USP46: variants seen among roughly 807,000 people sequenced by gnomAD.
The protein encoded by USP46 is ubiquitin carboxyl-terminal hydrolase 46.
USP46 carries 12 observed loss-of-function variants against 44.4 expected under a neutral mutation model. That is an observed-to-expected ratio of 0.27 (90% confidence interval 0.17 to 0.44). The LOEUF is 0.44. Among genes scored for constraint, USP46 ranks in the 20% least tolerant of loss-of-function variants. The pLI is 1.00. For missense variants in USP46, 248 were observed against 444.8 expected (o/e 0.56, Z 3.98); for synonymous variants, 155 against 161.5 (o/e 0.96, Z 0.31).
In USP46 at chr4:52,593,538, T is replaced by C. The variant is rs1300895097; in HGVS notation, c.*4102A>G. On this transcript the variant is annotated 3_prime_UTR_variant, in exon 9 of 9. Coordinates refer to ENST00000441222, the MANE Select transcript of USP46 (RefSeq NM_022832.4). ...GTCCACCCACAGGTGCCCTGGGTGA[T>C]TGACAGGGAAAAGCAGCCCTACCCA... 1.3e-5 allele frequency: 2 copies of C among 152,280 alleles called. No individual in the cohort carries two copies. Among genetic ancestry groups the C allele is most frequent in the African/African-American group, 2.4e-5 (1 of 41,474 alleles). The allele number at this position is 152,280 out of a possible 1,614,324, so 9.4% of individuals were successfully genotyped here.
At chr4:52,636,619 T>C (rs958617421) in intron 1 of USP46, among the ~76,000 whole-genome samples, 1 of 148,832 alleles carries the variant, frequency 6.7e-6, no homozygotes, top group African/African-American at 2.5e-5. Context: ...GGCGGGAGAA[T>C]TGCTTGAACC....
chr4:52,602,830 C>T (rs1716530270), intron 6 of USP46, among the ~76,000 whole-genome samples: 1 of 151,494 alleles, frequency 6.6e-6, no homozygotes, highest in African/African-American at 2.5e-5. Flanking sequence ...TGATGTTGCA[C>T]TTCCCAAACT....
At chr4:52,642,054 A>G (rs1026446406) in intron 1 of USP46, among the ~76,000 whole-genome samples, 1 of 152,200 alleles carries the variant, frequency 6.6e-6, no homozygotes, top group Non-Finnish European at 1.5e-5. Flanking sequence ...GTGTCCCCAG[A>G]ATTCTGATGA....
In USP46 at chr4:52,591,445, C is replaced by G. The variant is rs1420512113; in HGVS notation, c.*6195G>C. On this transcript the variant is annotated 3_prime_UTR_variant, in exon 9 of 9. Coordinates refer to ENST00000441222, the MANE Select transcript of USP46 (RefSeq NM_022832.4). ...GCCTGAACTCCTTTTCCAAGAAGAGCTTCTGTAGAATTCCACACTGCCTTA... is the reference window on the plus strand; with the variant it reads ...GCCTGAACTCCTTTTCCAAGAAGAGGTTCTGTAGAATTCCACACTGCCTTA... The G allele has an allele frequency of 6.6e-6, 1 of 152,224 alleles. No homozygotes were observed. The highest frequency in any genetic ancestry group is 2.4e-5 in the African/African-American group (1 of 41,456). The allele number at this position is 152,224 out of a possible 1,614,324, so 9.4% of individuals were successfully genotyped here.
At chr4:52,625,439 T>C (rs112038978) in intron 4 of USP46, among the ~76,000 whole-genome samples, 1 of 152,260 alleles carries the variant, frequency 6.6e-6, no homozygotes, top group African/African-American at 2.4e-5. Flanking sequence ...CAAGAAAATA[T>C]GACATCCTGA....
intron 1 of USP46, among the ~76,000 whole-genome samples, chr4:52,637,178 G>C (rs1199800457): frequency 6.6e-6 from 1 of 152,102 alleles, no homozygotes; most frequent in Admixed American, 6.6e-5. Context: ...AGCCCCTTCT[G>C]GGCTCTACCC....
At chr4:52,602,390 C>A (rs1294721221) in intron 6 of USP46, among the ~76,000 whole-genome samples, 3 of 152,140 alleles carry the variant, frequency 2.0e-5, no homozygotes, top group Non-Finnish European at 4.4e-5. Flanking sequence ...CAATCTACCC[C>A]CTGAGATGAT....
chr4:52,619,305 A>C (rs1424629070), intron 4 of USP46, among the ~76,000 whole-genome samples: 2 of 152,074 alleles, frequency 1.3e-5, no homozygotes, highest in Non-Finnish European at 2.9e-5. Context: ...CCCAGGAAAA[A>C]AAAAAAAAAG....
intron 1 of USP46, among the ~76,000 whole-genome samples, chr4:52,650,470 G>A (rs1308779322): frequency 6.6e-6 from 1 of 152,194 alleles, no homozygotes. Flanking sequence ...GGTTTGCTCT[G>A]GGAGGAAGAG....
chr4:52,627,840 G>A, intron 3 of USP46, 110 bp downstream of exon 3: 2 of 1,208,260 alleles, frequency 1.7e-6, no homozygotes, highest in South Asian at 3.5e-5. Flanking sequence ...AGTTAACCAT[G>A]CTTATTTTCC....
intron 1 of USP46, among the ~76,000 whole-genome samples, chr4:52,656,911 G>A (rs924621164): frequency 4.0e-5 from 6 of 151,864 alleles, no homozygotes; most frequent in African/African-American, 9.7e-5. Context: ...ATGGTGGCAC[G>A]TGCCTGTAGT....
At chr4:52,609,898 C>T (rs372871379) in intron 5 of USP46, among the ~76,000 whole-genome samples, 1,082 of 24,544 alleles carry the variant, frequency 0.044, 22 homozygotes, top group Admixed American at 0.24. Flanking sequence ...AATTCTATTT[C>T]TTTTTTTTTT....
chr4:52,612,476 T>C (rs796867945), intron 4 of USP46, among the ~76,000 whole-genome samples: 29 of 152,362 alleles, frequency 1.9e-4, no homozygotes, highest in African/African-American at 6.0e-4. Flanking sequence ...AGTGTGACCA[T>C]GTGACTTGCC....
intron 5 of USP46, among the ~76,000 whole-genome samples, chr4:52,608,073 AGGAAGGAAGGAG>A (rs1197401310): frequency 1.3e-5 from 2 of 152,210 alleles, no homozygotes; most frequent in Admixed American, 6.5e-5. Flanking sequence ...GTTCTCAGGA[AGGAAGGAAGGAG>A]GGAAGGAAGG....
intron 4 of USP46, among the ~76,000 whole-genome samples, chr4:52,622,583 C>A (rs1343786471): frequency 6.6e-6 from 1 of 152,102 alleles, no homozygotes; most frequent in Admixed American, 6.5e-5. Flanking sequence ...CCGACACTAT[C>A]CCTGTCCTCA....
intron 5 of USP46, among the ~76,000 whole-genome samples, chr4:52,604,807 T>C (rs567457865): frequency 3.9e-5 from 6 of 152,288 alleles, no homozygotes; most frequent in Admixed American, 1.3e-4. Flanking sequence ...CATGCTCTTT[T>C]CATCGAATCA....
chr4:52,611,724 T>C (rs958122688), intron 4 of USP46, among the ~76,000 whole-genome samples: 1 of 151,990 alleles, frequency 6.6e-6, no homozygotes, highest in Non-Finnish European at 1.5e-5. Context: ...CCGTCTCTAC[T>C]AAAAATACAA....
Position 52,599,859 on chromosome 4 carries a change from G to A in USP46, c.921-1153C>T, listed in dbSNP as rs144623238. Among the ~76,000 whole-genome samples, 331 of 152,198 alleles carry A rather than the reference G, an allele frequency of 2.2e-3. 2 individuals carry two copies. The highest frequency in any genetic ancestry group is 7.7e-3 in the African/African-American group (318 of 41,518). ...TTTCCCTCTGAGCTCCAGCCCATCT[G>A]GCTCCTCTCACACACTGCCCCCTTC... On this transcript the variant is annotated intron_variant, in intron 7 of 8. Transcript: ENST00000441222.
rs1281762047 is a variant in USP46, at chr4:52,593,188, A to T, written c.*4452T>A. The T allele has an allele frequency of 5.5e-6, 2 of 366,422 alleles. No individual in the cohort carries two copies. The highest frequency in any genetic ancestry group is 9.7e-6 in the Non-Finnish European group (2 of 206,690). The allele number at this position is 366,422 out of a possible 1,614,324, so 22.7% of individuals were successfully genotyped here. ...TATCAATAAAAAGAGAGGAAAGGAA[A>T]TTTGAAGAAATGGGAAAATACATTC... On this transcript the variant is annotated 3_prime_UTR_variant, in exon 9 of 9. Coordinates refer to ENST00000441222, the MANE Select transcript of USP46 (RefSeq NM_022832.4).
Sources: allele counts gnomAD v4.1 joint callset (sites outside exome capture counted in the v4.1 genomes callset), GRCh38; gene constraint gnomAD v4.1.1; transcripts MANE v1.5; gene names NCBI Gene and HGNC (gene_info 2026-07-23, HGNC 2026-07-21).